The following SUCLG2 variants were observed in gnomAD, a reference collection of about 807,000 sequenced individuals.
SUCLG2 encodes succinate-CoA ligase GDP-forming subunit beta.
SUCLG2 carries 42 observed loss-of-function variants against 47.9 expected under a neutral mutation model. The observed-to-expected ratio is 0.88, with a 90% CI of 0.69 to 1.14. The LOEUF (loss-of-function observed/expected upper bound fraction) is 1.14. Ranked by LOEUF, SUCLG2 falls within the 50% of genes most tolerant of loss-of-function variation. The pLI is 0.00. For missense variants in SUCLG2, 571 were observed against 525.9 expected (o/e 1.09, Z -0.84); for synonymous variants, 195 against 197.3 (o/e 0.99, Z 0.10).
chr3:67,400,709 G>C (rs755887239), intron 10 of SUCLG2, 22 bp downstream of exon 10: 2 of 1,608,922 alleles, frequency 1.2e-6, no homozygotes, highest in Non-Finnish European at 1.7e-6. Flanking sequence ...TGCTGGCACA[G>C]CGGAAATCTA....
In SUCLG2 at chr3:67,495,922, G is replaced by A; in HGVS notation, c.938C>T (p.Ala313Val). 1 of 1,613,924 alleles carries A rather than the reference G, an allele frequency of 6.2e-7. No individual in the cohort carries two copies. The highest frequency in any genetic ancestry group is 8.5e-7 in the Non-Finnish European group (1 of 1,179,926). ...GAAAATGATATCACAAGTAGCCATG[G>A]CGAGCCCAGCACCATTCACTGTGAA... ...IACFVNGAGL[A>V]MATCDIIFLN... Residue 313 changes from alanine (A) to valine (V), a missense_variant, in exon 9 of 11, where the codon GCC becomes GTC. By Grantham distance (64) the Ala-to-Val change is moderately conservative (BLOSUM62 0). Coordinates refer to ENST00000307227, the MANE Select transcript of SUCLG2 (RefSeq NM_003848.4).
chr3:67,573,225 C>T (rs1021684006), intron 2 of SUCLG2, among the ~76,000 whole-genome samples: 1 of 152,056 alleles, frequency 6.6e-6, no homozygotes, highest in Non-Finnish European at 1.5e-5. Context: ...GTGAAGATGG[C>T]CATACTCCCA....
At chr3:67,386,464 C>T (rs769473923) in intron 10 of SUCLG2, among the ~76,000 whole-genome samples, 58 of 151,374 alleles carry the variant, frequency 3.8e-4, no homozygotes, top group Non-Finnish European at 2.8e-4. Flanking sequence ...TCTGTTCTCA[C>T]GCCGCTAATA....
chr3:67,592,718 C>CAA lies in SUCLG2; in HGVS notation c.226+16735_226+16736dup, dbSNP rs754866312. Among the ~76,000 whole-genome samples, 700 of 80,046 alleles carry CAA rather than the reference C, an allele frequency of 8.7e-3. 19 individuals are homozygous for CAA. Among genetic ancestry groups the CAA allele is most frequent in the African/African-American group, 0.018 (298 of 16,720 alleles). 52.5% of individuals were successfully genotyped at this position (80,046 alleles called of 152,430 possible). A position where few individuals can be genotyped will look rare whatever the true frequency, so the allele number is the denominator to read the frequency against. On this transcript the variant is annotated intron_variant, in intron 2 of 10. Transcript: ENST00000307227. ...AAGCATATGTAACTCTCACATCCTC[C>CAA]AAAAAAAAAAAAAAAAAACAACAAA...
chr3:67,405,677 A>G (rs73836508), intron 9 of SUCLG2, among the ~76,000 whole-genome samples: 119 of 152,294 alleles, frequency 7.8e-4, no homozygotes, highest in African/African-American at 2.7e-3. Context: ...TGTATTCAGG[A>G]GAGGGCTATG....
At chr3:67,497,443 A>G (rs1293308036) in intron 8 of SUCLG2, among the ~76,000 whole-genome samples, 1 of 152,188 alleles carries the variant, frequency 6.6e-6, no homozygotes, top group Non-Finnish European at 1.5e-5. Context: ...TTCTACAGAC[A>G]TTCTTATCTC....
chr3:67,488,957 C>G (rs1705135145), intron 9 of SUCLG2, among the ~76,000 whole-genome samples: 1 of 152,084 alleles, frequency 6.6e-6, no homozygotes, highest in Admixed American at 6.6e-5. Flanking sequence ...TACCATAAAA[C>G]AAAGTAGGTT....
intron 10 of SUCLG2, among the ~76,000 whole-genome samples, chr3:67,369,516 G>A (rs1241100005): frequency 6.6e-6 from 1 of 152,172 alleles, no homozygotes; most frequent in East Asian, 1.9e-4. Context: ...AAGTGCATAT[G>A]CAATACTTTC....
rs1353829034 is a variant in SUCLG2 at position 67,498,121 on chromosome 3, A to C, written c.919+13T>G. The C allele has an allele frequency of 1.3e-6, 2 of 1,598,130 alleles. No individual in the cohort carries two copies. The highest frequency in any genetic ancestry group is 1.7e-6 in the Non-Finnish European group (2 of 1,170,588). ...AATCCACAAAGCATTCTTTTGATAT[A>C]ACTGCTTCTTACCAAAGCAGGCAAT... On this transcript the variant is annotated intron_variant, in intron 8 of 10. Coordinates refer to ENST00000307227, the MANE Select transcript of SUCLG2 (RefSeq NM_003848.4).
At position 67,491,909 on chromosome 3, in the gene SUCLG2, C is replaced by T. The variant is rs141051698; in HGVS notation, c.1062+3889G>A. ...ACTGCTATTATTACCACTTTATAAACGAGGATACCAAGGCACACAGAAGTT... is the reference window on the plus strand; with the variant it reads ...ACTGCTATTATTACCACTTTATAAATGAGGATACCAAGGCACACAGAAGTT... On this transcript the variant is annotated intron_variant, in intron 9 of 10. Coordinates refer to ENST00000307227, the MANE Select transcript of SUCLG2 (RefSeq NM_003848.4). Among the ~76,000 whole-genome samples the T allele has an allele frequency of 1.6e-4, 25 of 152,134 alleles. No homozygotes were observed. The East Asian group carries it at 3.7e-3, about 22-fold the overall frequency.
At chr3:67,620,757 G>C (rs556147887) in intron 1 of SUCLG2, among the ~76,000 whole-genome samples, 1 of 152,246 alleles carries the variant, frequency 6.6e-6, no homozygotes, top group Admixed American at 6.5e-5. Flanking sequence ...AGCACAGCAG[G>C]CTGAGAGGCC....
chr3:67,496,045 C>T, intron 8 of SUCLG2, 105 bp from the exon 9 acceptor site: 1 of 1,376,666 alleles, frequency 7.3e-7, no homozygotes, highest in Non-Finnish European at 1.0e-6. Flanking sequence ...TCTGTCATTG[C>T]CAGGCCAATT....
intron 9 of SUCLG2, among the ~76,000 whole-genome samples, chr3:67,447,780 A>C (rs1020383830): frequency 6.6e-6 from 1 of 152,218 alleles, no homozygotes; most frequent in Non-Finnish European, 1.5e-5. Flanking sequence ...CCCAGGATGG[A>C]GTGCAGTGGT....
Position 67,399,627 on chromosome 3 carries a change from T to A in SUCLG2, c.1183+1104A>T, listed in dbSNP as rs563157758. Among the ~76,000 whole-genome samples, 33 of 152,264 alleles carry A rather than the reference T, an allele frequency of 2.2e-4. No individual in the cohort carries two copies. In the South Asian group the frequency reaches 6.4e-3, roughly 30 times the overall value. ...TAATATTAACAAATGTGATTTTTTT[T>A]ATATTGTACATTGAAATGAGACAAC... On this transcript the variant is annotated intron_variant, in intron 10 of 10. Coordinates refer to ENST00000307227, the MANE Select transcript of SUCLG2 (RefSeq NM_003848.4).
intron 6 of SUCLG2, 62 bp from the exon 7 acceptor site, chr3:67,508,965 G>T: frequency 7.7e-7 from 1 of 1,300,616 alleles, no homozygotes; most frequent in Non-Finnish European, 1.1e-6. Flanking sequence ...TATTTTGCTG[G>T]ATTAATGAAA....
At chr3:67,527,959 T>C (rs1019325010) in intron 4 of SUCLG2, among the ~76,000 whole-genome samples, 173 bp downstream of exon 4, 3 of 152,232 alleles carry the variant, frequency 2.0e-5, no homozygotes, top group African/African-American at 7.2e-5. Flanking sequence ...GAGCCCTTTT[T>C]ATTTCTCCTC....
At chr3:67,639,019 C>G (rs1490290490) in intron 1 of SUCLG2, among the ~76,000 whole-genome samples, 2 of 152,088 alleles carry the variant, frequency 1.3e-5, no homozygotes, top group Non-Finnish European at 2.9e-5. Context: ...TATTCCGTGG[C>G]CTTGTCCAGC....
chr3:67,468,318 T>C (rs1704523756), intron 9 of SUCLG2, among the ~76,000 whole-genome samples: 1 of 152,168 alleles, frequency 6.6e-6, no homozygotes. Flanking sequence ...AAGATGGTCC[T>C]GTAATATTTT....
intron 9 of SUCLG2, among the ~76,000 whole-genome samples, chr3:67,435,674 A>G (rs973047908): frequency 2.0e-5 from 3 of 152,198 alleles, no homozygotes; most frequent in African/African-American, 7.2e-5. Flanking sequence ...AGTGAAAGTA[A>G]AGAAAATATT....
Sources: allele counts gnomAD v4.1 joint callset (sites outside exome capture counted in the v4.1 genomes callset), GRCh38; gene constraint gnomAD v4.1.1; transcripts MANE v1.5; gene names NCBI Gene and HGNC (gene_info 2026-07-23, HGNC 2026-07-21).